The following COL11A1 variants were observed in gnomAD, a reference collection of about 807,000 sequenced individuals.
The protein encoded by COL11A1 is collagen alpha-1(XI) chain.
In COL11A1, 74 loss-of-function variants were observed where a neutral mutation model predicts 265.2. The ratio of observed to expected loss-of-function variants is 0.28; its 90% CI spans 0.23 to 0.34. The LOEUF is 0.34. Ranked by LOEUF, COL11A1 falls within the 10% of genes least tolerant of loss-of-function variation. The pLI, the probability that COL11A1 is intolerant of heterozygous loss-of-function variation, is 1.00. For synonymous variants in COL11A1, 816 were observed against 727.6 expected, an observed-to-expected ratio of 1.12 and a Z score of -1.96; for missense variants, 2,165 against 2,263.6, an observed-to-expected ratio of 0.96 and a Z score of 0.88.
At chr1:102,983,988 C>G (rs1215568452) in intron 31 of COL11A1, 150 bp downstream of exon 31, 1 of 555,656 alleles carries the variant, frequency 1.8e-6, no homozygotes, top group African/African-American at 1.9e-5. Flanking sequence ...CCCTGCACTC[C>G]AGGCGTCCAC....
chr1:102,911,262 G>C (rs1654638207), intron 54 of COL11A1, among the ~76,000 whole-genome samples: 1 of 152,078 alleles, frequency 6.6e-6, no homozygotes, highest in African/African-American at 2.4e-5. Flanking sequence ...AGAAATGTTT[G>C]TAAATATTGA....
chr1:103,065,929 A>G (rs996878001), intron 4 of COL11A1, among the ~76,000 whole-genome samples: 1 of 152,196 alleles, frequency 6.6e-6, no homozygotes, highest in East Asian at 1.9e-4. Flanking sequence ...CATCAAGTAC[A>G]TGATAACAAC....
At chr1:103,037,122 T>C (rs1279083470) in intron 4 of COL11A1, among the ~76,000 whole-genome samples, 7 of 149,732 alleles carry the variant, frequency 4.7e-5, no homozygotes, top group Non-Finnish European at 8.9e-5. Context: ...TTTTTTACTT[T>C]GGTTTGCATA....
chr1:103,072,988 T>A (rs1038944265), intron 4 of COL11A1, among the ~76,000 whole-genome samples: 7 of 151,782 alleles, frequency 4.6e-5, no homozygotes, highest in African/African-American at 1.7e-4. Flanking sequence ...TTTTAAAAAC[T>A]AACTACACTT....
intron 3 of COL11A1, among the ~76,000 whole-genome samples, chr1:103,077,387 GA>G (rs567503517): frequency 3.8e-4 from 57 of 151,496 alleles, no homozygotes; most frequent in African/African-American, 1.3e-3. Flanking sequence ...ATAATAAGAT[GA>G]ATTCAAAATA....
chr1:103,084,000 G>C (rs545571327), intron 1 of COL11A1, among the ~76,000 whole-genome samples: 6 of 152,112 alleles, frequency 3.9e-5, no homozygotes, highest in South Asian at 2.1e-4. Context: ...CAGCTTTATC[G>C]GGTTATAATT....
intron 5 of COL11A1, chr1:103,030,892 G>A (rs1235960432): frequency 5.7e-6 from 3 of 528,210 alleles, no homozygotes; most frequent in Non-Finnish European, 1.0e-5. Flanking sequence ...GTATACAAGT[G>A]AAGCACCATT....
In COL11A1 at chr1:103,074,670, G is replaced by A. The variant is rs1156671073; in HGVS notation, c.599C>T (p.Thr200Ile). 1 of 1,613,248 alleles carries A rather than the reference G, an allele frequency of 6.2e-7. No homozygotes were observed. Among genetic ancestry groups the A allele is most frequent in the Non-Finnish European group, 8.5e-7 (1 of 1,179,598 alleles). The change falls in exon 4 of 67, where the codon ACC becomes ATC. Residue 200 changes from threonine to isoleucine, a missense_variant. Physicochemically the swap from Thr to Ile is moderately conservative, Grantham distance 89 (BLOSUM62 -1). Coordinates refer to ENST00000370096, the MANE Select transcript of COL11A1 (RefSeq NM_001854.4). ...LDRSERAIVD[T>I]NGITVFGTRI... is the part of the protein sequence containing the mutation. ...TGTTCCAAAAACCGTGATTCCATTGGTATCAACAATTGCTCTCTCACTTCT... is the reference window on the plus strand; with the variant it reads ...TGTTCCAAAAACCGTGATTCCATTGATATCAACAATTGCTCTCTCACTTCT...
At chr1:103,025,943 A>G in intron 6 of COL11A1, 1 of 1,611,762 alleles carries the variant, frequency 6.2e-7, no homozygotes, top group Non-Finnish European at 8.5e-7. Flanking sequence ...TTGAAATTGG[A>G]TTTCTTTTTC....
At chr1:102,964,587 G>GT (rs1553219267) in intron 38 of COL11A1, among the ~76,000 whole-genome samples, 1 of 149,422 alleles carries the variant, frequency 6.7e-6, no homozygotes, top group African/African-American at 2.5e-5. Flanking sequence ...TTTCTCTAGG[G>GT]GTGTGTGTGT....
intron 24 of COL11A1, 64 bp from the exon 25 acceptor site, chr1:102,998,427 T>G: frequency 1.3e-5 from 14 of 1,089,454 alleles, no homozygotes; most frequent in South Asian, 1.7e-5. Context: ...AACGTGTACA[T>G]ATACTATGAA....
At chr1:103,086,717 C>T (rs564556816) in intron 1 of COL11A1, among the ~76,000 whole-genome samples, 10 of 152,120 alleles carry the variant, frequency 6.6e-5, no homozygotes, top group African/African-American at 2.4e-4. Context: ...CGCCCGGCAA[C>T]AACGTATCTT....
intron 5 of COL11A1, among the ~76,000 whole-genome samples, chr1:103,028,835 T>C (rs1667762225): frequency 6.6e-6 from 1 of 152,300 alleles, no homozygotes; most frequent in Admixed American, 6.5e-5. Context: ...ATTTTCTGTT[T>C]TCATCCTTTT....
In COL11A1 at chr1:102,887,149, T is replaced by G. The variant is rs545867769; in HGVS notation, c.4609-93A>C. 5.9e-5 allele frequency: 90 copies of G among 1,535,778 alleles called. No homozygotes were observed. In the African/African-American group the frequency reaches 1.2e-3, roughly 20 times the overall value. On this transcript the variant is annotated intron_variant, in intron 62 of 66. Transcript: ENST00000370096. ...CTGGTTATGTTTTTGTTATAAGAAA[T>G]TAGAGTTGGTTTAGCTTTTCATTAG... is the stretch of plus-strand genomic sequence containing the variant.
At chr1:102,992,910 TAC>T (rs1664276614) in intron 28 of COL11A1, among the ~76,000 whole-genome samples, 1 of 152,148 alleles carries the variant, frequency 6.6e-6, no homozygotes, top group South Asian at 2.1e-4. Context: ...TCTGAGACCA[TAC>T]ACCCTAAAAA....
chr1:103,097,660 A>T (rs1219136704), intron 1 of COL11A1, among the ~76,000 whole-genome samples: 2 of 152,030 alleles, frequency 1.3e-5, no homozygotes, highest in Non-Finnish European at 2.9e-5. Context: ...TACCTTTAGC[A>T]TATAATGAGC....
rs1465998420 is a variant in COL11A1, at chr1:103,030,967, A to T, written c.780+149T>A. On this transcript the variant is annotated intron_variant, in intron 5 of 66. Coordinates refer to ENST00000370096, the MANE Select transcript of COL11A1 (RefSeq NM_001854.4). ...AGAAAACAAGTACCAAATATATTCA[A>T]GTCACTTTTTCCTGGAAATATTACA... 3.1e-6 allele frequency: 3 copies of T among 981,436 alleles called. No homozygotes were observed. The African/African-American group carries it at 4.9e-5, about 16-fold the overall frequency. 60.8% of individuals were successfully genotyped at this position (981,436 alleles called of 1,614,324 possible). A position where few individuals can be genotyped will look rare whatever the true frequency, so the allele number is the denominator to read the frequency against.
At chr1:102,899,568 C>A (rs1652916953) in intron 54 of COL11A1, among the ~76,000 whole-genome samples, 2 of 151,916 alleles carry the variant, frequency 1.3e-5, no homozygotes, top group African/African-American at 2.4e-5. Flanking sequence ...CTTTTTAAAT[C>A]CTAATATTAG....
intron 21 of COL11A1, 85 bp downstream of exon 21, chr1:103,003,130 C>A: frequency 1.5e-6 from 2 of 1,366,232 alleles, no homozygotes; most frequent in Non-Finnish European, 2.1e-6. Flanking sequence ...AAACTCTTGG[C>A]TCTCTACTGA....
Sources: allele counts gnomAD v4.1 joint callset (sites outside exome capture counted in the v4.1 genomes callset), GRCh38; gene constraint gnomAD v4.1.1; transcripts MANE v1.5; gene names NCBI Gene and HGNC (gene_info 2026-07-23, HGNC 2026-07-21).